ENOX1: variants seen among roughly 807,000 people sequenced by gnomAD.
ENOX1 encodes the protein candidate growth-related and time keeping constitutive hydroquinone (NADH) oxidase.
ENOX1 carries 42 observed loss-of-function variants against 82.5 expected under a neutral mutation model. The ratio of observed to expected loss-of-function variants is 0.51; its 90% CI spans 0.40 to 0.66. The LOEUF is 0.66. Among genes scored for constraint, ENOX1 ranks in the 30% least tolerant of loss-of-function variants. The pLI is 0.00. For missense variants in ENOX1, 608 were observed against 811.6 expected, an observed-to-expected ratio of 0.75 and a Z score of 3.05; for synonymous variants, 271 against 282.2, an observed-to-expected ratio of 0.96 and a Z score of 0.40.
intron 2 of ENOX1, among the ~76,000 whole-genome samples, chr13:43,556,199 G>A (rs1197621117): frequency 6.7e-6 from 1 of 149,414 alleles, no homozygotes; most frequent in Non-Finnish European, 1.5e-5. Flanking sequence ...AAACAAGCAA[G>A]CAACTAAAAG....
intron 15 of ENOX1, among the ~76,000 whole-genome samples, chr13:43,225,162 C>T (rs2041967984): frequency 6.6e-6 from 1 of 152,200 alleles, no homozygotes; most frequent in South Asian, 2.1e-4. Context: ...TGAACTAATG[C>T]AGAAATAAAA....
At chr13:43,730,984 C>T (rs1367965879) in intron 1 of ENOX1, among the ~76,000 whole-genome samples, 1 of 152,190 alleles carries the variant, frequency 6.6e-6, no homozygotes, top group Non-Finnish European at 1.5e-5. Flanking sequence ...ACTCTTTCTT[C>T]ATGATGTGTC....
intron 1 of ENOX1, among the ~76,000 whole-genome samples, chr13:43,734,852 A>G (rs2089536512): frequency 6.6e-6 from 1 of 152,222 alleles, no homozygotes; most frequent in South Asian, 2.1e-4. Flanking sequence ...GCTCTGGAAG[A>G]CAGAATCAGA....
chr13:43,596,899 C>T (rs1488251895), intron 2 of ENOX1, among the ~76,000 whole-genome samples: 1 of 152,176 alleles, frequency 6.6e-6, no homozygotes, highest in South Asian at 2.1e-4. Flanking sequence ...TTACAGCATG[C>T]CCCACCCTCA....
intron 2 of ENOX1, among the ~76,000 whole-genome samples, chr13:43,624,509 C>CAATAGTTT (rs2153747788): frequency 6.6e-6 from 1 of 151,964 alleles, no homozygotes; most frequent in South Asian, 2.1e-4. Flanking sequence ...CGTATTTTTC[C>CAATAGTTT]AATAGTTTTA....
At chr13:43,660,444 T>A (rs563969902) in intron 2 of ENOX1, among the ~76,000 whole-genome samples, 1 of 152,298 alleles carries the variant, frequency 6.6e-6, no homozygotes, top group East Asian at 1.9e-4. Flanking sequence ...TTTTGTTCCC[T>A]CAAAAACATT....
At chr13:43,220,804 C>T (rs1183467701) in intron 16 of ENOX1, among the ~76,000 whole-genome samples, 1 of 152,176 alleles carries the variant, frequency 6.6e-6, no homozygotes, top group Non-Finnish European at 1.5e-5. Flanking sequence ...TGACAGGCTG[C>T]TCTTAAGGAG....
intron 11 of ENOX1, among the ~76,000 whole-genome samples, chr13:43,299,394 G>A (rs1341437285): frequency 6.6e-6 from 1 of 152,090 alleles, no homozygotes; most frequent in African/African-American, 2.4e-5. Flanking sequence ...AACATAGCCT[G>A]CTGAGCACTC....
intron 15 of ENOX1, 142 bp downstream of exon 15, chr13:43,236,494 T>G (rs1459467015): frequency 1.9e-6 from 1 of 524,602 alleles, no homozygotes; most frequent in Non-Finnish European, 3.2e-6. Context: ...TTGAAATGTA[T>G]GTAATATAAT....
intron 2 of ENOX1, among the ~76,000 whole-genome samples, chr13:43,499,411 A>G (rs965223156): frequency 8.5e-5 from 13 of 152,150 alleles, no homozygotes; most frequent in Non-Finnish European, 1.9e-4. Flanking sequence ...AGCTATAACC[A>G]CTACTTCCAA....
intron 2 of ENOX1, among the ~76,000 whole-genome samples, chr13:43,495,983 T>C (rs1185275818): frequency 7.2e-5 from 11 of 152,204 alleles, no homozygotes; most frequent in Non-Finnish European, 1.5e-4. Context: ...AAGGTTCTGT[T>C]TAAGTAATTT....
chr13:43,391,369 C>G (rs930483171), intron 5 of ENOX1, among the ~76,000 whole-genome samples: 2 of 152,104 alleles, frequency 1.3e-5, no homozygotes, highest in African/African-American at 4.8e-5. Flanking sequence ...GCCCATGGTG[C>G]CAGTCATGCT....
At chr13:43,449,344 G>A (rs1301133077) in intron 3 of ENOX1, among the ~76,000 whole-genome samples, 1 of 152,202 alleles carries the variant, frequency 6.6e-6, no homozygotes, top group African/African-American at 2.4e-5. Context: ...TGTGATTTAT[G>A]CAGGCTACAA....
chr13:43,291,985 A>C (rs1311917551), intron 12 of ENOX1, among the ~76,000 whole-genome samples: 1 of 152,158 alleles, frequency 6.6e-6, no homozygotes, highest in African/African-American at 2.4e-5. Context: ...CAGACACAGC[A>C]ATGAGCAAAG....
At chr13:43,322,273 T>C in intron 11 of ENOX1, 111 bp downstream of exon 11, 1 of 759,852 alleles carries the variant, frequency 1.3e-6, no homozygotes, top group Admixed American at 2.4e-5. Flanking sequence ...AAGATGAAAG[T>C]TTAGTATAAT....
Position 43,361,400 on chromosome 13 carries a change from G to C in ENOX1, c.261C>G (p.Ile87Met), listed in dbSNP as rs1274539399. 2.5e-6 allele frequency: 4 copies of C among 1,613,324 alleles called. No individual in the cohort carries two copies. In the South Asian group the frequency reaches 3.3e-5, roughly 13 times the overall value. Reference protein sequence around the residue: ...FDPSLNMMTGITPINPMIPGL... With the variant: ...FDPSLNMMTGMTPINPMIPGL... The stretch of plus-strand genomic sequence containing the variant: ...CTGGTATCATTGGGTTAATGGGGGT[G>C]ATTCCAGTCATCATGTTGAGGCTTG... The change falls in exon 6 of 17, where the codon ATC becomes ATG. Residue 87 changes from isoleucine to methionine, a missense_variant. Physicochemically the swap from Ile to Met is conservative, Grantham distance 10. Coordinates refer to ENST00000690772, the MANE Select transcript of ENOX1 (RefSeq NM_001347969.2).
chr13:43,620,198 C>T (rs151321582), intron 2 of ENOX1, among the ~76,000 whole-genome samples: 28 of 151,966 alleles, frequency 1.8e-4, no homozygotes, highest in Middle Eastern at 3.4e-3. Flanking sequence ...TTCAAAGAAC[C>T]GGCTTTTTTT....
chr13:43,420,794 G>A (rs1403855760), intron 3 of ENOX1, among the ~76,000 whole-genome samples: 1 of 152,080 alleles, frequency 6.6e-6, no homozygotes, highest in African/African-American at 2.4e-5. Context: ...TAAGTTTTGG[G>A]GTATTGGGGA....
At chr13:43,518,995 C>T (rs1014445140) in intron 2 of ENOX1, among the ~76,000 whole-genome samples, 1 of 152,164 alleles carries the variant, frequency 6.6e-6, no homozygotes, top group African/African-American at 2.4e-5. Context: ...TGACAAAACT[C>T]TCCCCACCCA....
Sources: allele counts gnomAD v4.1 joint callset (sites outside exome capture counted in the v4.1 genomes callset), GRCh38; gene constraint gnomAD v4.1.1; transcripts MANE v1.5; gene names NCBI Gene and HGNC (gene_info 2026-07-23, HGNC 2026-07-21).